Variants in PPP1R9A observed in about 807,000 individuals in gnomAD.
PPP1R9A encodes neurabin-1.
In PPP1R9A, 59 loss-of-function variants were observed where a neutral mutation model predicts 141.9. That is an observed-to-expected ratio of 0.42 (90% CI 0.34 to 0.52). PPP1R9A has a LOEUF of 0.52. Ranked by LOEUF, PPP1R9A falls within the 20% of genes least tolerant of loss-of-function variation. The pLI is 0.10. For missense variants in PPP1R9A, 1,444 were observed against 1,611.9 expected (o/e 0.90, Z 1.78); for synonymous variants, 500 against 569.7 (o/e 0.88, Z 1.74).
chr7:94,933,899 C>A (rs1794461121), intron 2 of PPP1R9A, among the ~76,000 whole-genome samples: 1 of 152,122 alleles, frequency 6.6e-6, no homozygotes, highest in Non-Finnish European at 1.5e-5. Context: ...CTATTTTTAT[C>A]CCATTTGGAA....
chr7:94,979,336 C>T (rs1486475130), intron 2 of PPP1R9A, among the ~76,000 whole-genome samples: 1 of 152,140 alleles, frequency 6.6e-6, no homozygotes, highest in Non-Finnish European at 1.5e-5. Flanking sequence ...TCCTGTATAT[C>T]TCCATTAGTG....
chr7:95,217,692 G>T lies in PPP1R9A; in HGVS notation c.1957-8269G>T, dbSNP rs549268788. 6.6e-5 allele frequency among the ~76,000 whole-genome samples: 10 copies of T among 152,282 alleles called. No homozygotes were observed. The South Asian group carries it at 1.7e-3, about 25-fold the overall frequency. On this transcript the variant is annotated intron_variant, in intron 7 of 19. Transcript: ENST00000433360. Reference sequence around the variant, plus strand: ...AGAGATTCAACTTCTTCCTGGTTTAGTCTTAGGAGAGTGTATGTGTCTGGG... The same window carrying T: ...AGAGATTCAACTTCTTCCTGGTTTATTCTTAGGAGAGTGTATGTGTCTGGG...
At chr7:95,092,569 C>T (rs534767915) in intron 2 of PPP1R9A, among the ~76,000 whole-genome samples, 10 of 152,240 alleles carry the variant, frequency 6.6e-5, no homozygotes, top group Admixed American at 2.6e-4. Flanking sequence ...AAGGGAGTTA[C>T]AGAACTTCCA....
At chr7:95,196,487 A>G (rs887687599) in intron 5 of PPP1R9A, among the ~76,000 whole-genome samples, 2 of 152,212 alleles carry the variant, frequency 1.3e-5, no homozygotes, top group African/African-American at 4.8e-5. Flanking sequence ...AGGAAATGAA[A>G]ACTTATGTTC....
intron 2 of PPP1R9A, among the ~76,000 whole-genome samples, chr7:95,091,501 G>A (rs749817790): frequency 1.1e-4 from 16 of 151,396 alleles, no homozygotes; most frequent in Admixed American, 2.0e-4. Flanking sequence ...ATGACACCAC[G>A]CCCAGCTAAT....
intron 8 of PPP1R9A, among the ~76,000 whole-genome samples, chr7:95,247,214 A>G (rs989299300): frequency 2.0e-5 from 3 of 152,196 alleles, no homozygotes; most frequent in African/African-American, 7.2e-5. Flanking sequence ...GGCAATAAAA[A>G]GTGTTTTCTT....
intron 2 of PPP1R9A, among the ~76,000 whole-genome samples, chr7:95,082,601 A>G (rs544791975): frequency 6.6e-6 from 1 of 151,834 alleles, no homozygotes; most frequent in South Asian, 2.1e-4. Flanking sequence ...TGAGCATGGC[A>G]TGGGGGCGTG....
chr7:95,181,512 A>G lies in PPP1R9A; in HGVS notation c.1755-16837A>G, dbSNP rs983893130. Reference sequence around the variant, plus strand: ...TATATATAGAATATATATAGAGAATATATATATTCCATCATATATATATAG... The same window carrying G: ...TATATATAGAATATATATAGAGAATGTATATATTCCATCATATATATATAG... On this transcript the variant is annotated intron_variant, in intron 5 of 19. Coordinates refer to ENST00000433360, the MANE Select transcript of PPP1R9A (RefSeq NM_001166160.2). Among the ~76,000 whole-genome samples the G allele has an allele frequency of 8.7e-5, 12 of 138,550 alleles. No homozygotes were observed. The East Asian group carries it at 1.0e-3, about 12-fold the overall frequency. The allele number at this position is 138,550 out of a possible 152,430, so 90.9% of individuals were successfully genotyped here. A position where few individuals can be genotyped will look rare whatever the true frequency, so the allele number is the denominator to read the frequency against.
At position 95,273,982 on chromosome 7, in the gene PPP1R9A, C is replaced by T. The variant is rs1395966985; in HGVS notation, c.3208C>T (p.Leu1070=). 1 of 1,503,958 alleles carries T rather than the reference C, an allele frequency of 6.6e-7. No individual in the cohort carries two copies. The highest frequency in any genetic ancestry group is 1.1e-5 in the South Asian group (1 of 88,080). The allele number at this position is 1,503,958 out of a possible 1,614,324, so 93.2% of individuals were successfully genotyped here. Residue 1070 remains leucine, a synonymous_variant, in exon 15 of 20, where the codon CTG becomes TTG. Transcript: ENST00000433360. ...AAAAATTAAGCGGAAGTTTGTGGAT[C>T]TGGGGTAAGCACTTCACGATGTAAA... ...GGKIKRKFVD[L]GAPLRRNSSK...
chr7:95,015,928 C>T (rs10279491), intron 2 of PPP1R9A, among the ~76,000 whole-genome samples: 10,082 of 152,026 alleles, frequency 0.066, 424 homozygotes, highest in African/African-American at 0.11. Context: ...TGGTGTGTGC[C>T]TGTAGGCCTA....
chr7:94,982,667 G>A (rs946704883), intron 2 of PPP1R9A, among the ~76,000 whole-genome samples: 1 of 152,186 alleles, frequency 6.6e-6, no homozygotes. Flanking sequence ...CTTTTTGATG[G>A]GGTTGTTTGA....
chr7:95,226,559 A>G lies in PPP1R9A; in HGVS notation c.2112+443A>G, dbSNP rs770363072. ...AGAGAGTTTAATACACAGACTTTGA[A>G]CAGAGTTAATAGTACTAACAAGGGG... On this transcript the variant is annotated intron_variant, in intron 8 of 19. Coordinates refer to ENST00000433360, the MANE Select transcript of PPP1R9A (RefSeq NM_001166160.2). Among the ~76,000 whole-genome samples, 3 of 152,178 alleles carry G rather than the reference A, an allele frequency of 2.0e-5. No homozygotes were observed. In the East Asian group the frequency reaches 5.8e-4, roughly 29 times the overall value.
intron 4 of PPP1R9A, among the ~76,000 whole-genome samples, chr7:95,133,105 A>T (rs551754721): frequency 1.3e-5 from 2 of 152,222 alleles, no homozygotes; most frequent in Admixed American, 1.3e-4. Flanking sequence ...CAGAGAAGGG[A>T]CCCAAGAGCA....
intron 4 of PPP1R9A, among the ~76,000 whole-genome samples, 161 bp downstream of exon 4, chr7:95,120,993 T>G (rs1210047087): frequency 6.6e-6 from 1 of 152,220 alleles, no homozygotes; most frequent in Non-Finnish European, 1.5e-5. Context: ...TTTTCTGATA[T>G]GCAGGCAAAA....
intron 8 of PPP1R9A, among the ~76,000 whole-genome samples, chr7:95,237,954 A>T (rs373495712): frequency 5.6e-4 from 85 of 151,960 alleles, no homozygotes; most frequent in African/African-American, 1.9e-3. Context: ...CCTACTTGCC[A>T]TTAGGTACAT....
chr7:95,198,282 T>G (rs758300476), intron 5 of PPP1R9A, 67 bp from the exon 6 acceptor site: 11 of 1,456,934 alleles, frequency 7.6e-6, no homozygotes, highest in Non-Finnish European at 8.3e-6. Flanking sequence ...TCAAACCTGT[T>G]TACTTTTCTT....
intron 2 of PPP1R9A, among the ~76,000 whole-genome samples, chr7:95,101,562 C>T (rs1818802254): frequency 6.6e-6 from 1 of 152,132 alleles, no homozygotes; most frequent in African/African-American, 2.4e-5. Flanking sequence ...AGAAGTGACA[C>T]ACACCACCAC....
At chr7:95,013,760 T>C (rs1025685303) in intron 2 of PPP1R9A, among the ~76,000 whole-genome samples, 1 of 152,142 alleles carries the variant, frequency 6.6e-6, no homozygotes, top group Admixed American at 6.6e-5. Flanking sequence ...ATTTAAAAGG[T>C]AGAAGTGATT....
intron 8 of PPP1R9A, among the ~76,000 whole-genome samples, chr7:95,231,358 A>C (rs1249373550): frequency 1.3e-5 from 2 of 152,212 alleles, no homozygotes; most frequent in Non-Finnish European, 2.9e-5. Context: ...GAAAGTCAAC[A>C]AAGAAACAAT....
Sources: gnomAD v4.1 joint callset for allele counts (sites outside exome capture counted in the v4.1 genomes callset) on GRCh38, gnomAD v4.1.1 for gene constraint, MANE v1.5 for transcripts, NCBI Gene and HGNC (gene_info 2026-07-23, HGNC 2026-07-21) for gene names.